The following RBFOX1 variants were observed in gnomAD, a reference collection of about 807,000 sequenced individuals.
RBFOX1 encodes the protein RNA binding fox-1 homolog 1.
Under a neutral mutation model 57.7 loss-of-function variants are expected in RBFOX1, and 8 were observed. The ratio of observed to expected loss-of-function variants is 0.14; its 90% CI spans 0.08 to 0.25. RBFOX1 has a LOEUF of 0.25. Among genes scored for constraint, RBFOX1 ranks in the 10% least tolerant of loss-of-function variants. The pLI, the probability that RBFOX1 is intolerant of heterozygous loss-of-function variation, is 1.00. For missense variants in RBFOX1, 611 were observed against 548.5 expected, an observed-to-expected ratio of 1.11 and a Z score of -1.14; for synonymous variants, 326 against 222.4, an observed-to-expected ratio of 1.47 and a Z score of -4.15.
intron 3 of RBFOX1, among the ~76,000 whole-genome samples, chr16:6,755,786 T>G (rs1362054716): frequency 6.6e-6 from 1 of 152,200 alleles, no homozygotes; most frequent in Non-Finnish European, 1.5e-5. Flanking sequence ...CTTCTCCCCT[T>G]CTTTTAACTG....
intron 13 of RBFOX1, among the ~76,000 whole-genome samples, chr16:7,670,766 C>G (rs1313417268): frequency 6.6e-6 from 1 of 152,158 alleles, no homozygotes; most frequent in Non-Finnish European, 1.5e-5. Flanking sequence ...AGTGTTCAGC[C>G]ATCTCAGTGT....
intron 4 of RBFOX1, among the ~76,000 whole-genome samples, chr16:5,890,486 C>G (rs1447862116): frequency 1.3e-5 from 2 of 151,956 alleles, no homozygotes; most frequent in African/African-American, 2.4e-5. Context: ...ATCACGAGGT[C>G]AGGAGTTTGA....
intron 4 of RBFOX1, among the ~76,000 whole-genome samples, chr16:5,950,548 CCTT>C (rs1431280203): frequency 6.6e-6 from 1 of 152,180 alleles, no homozygotes; most frequent in Non-Finnish European, 1.5e-5. Flanking sequence ...GCTCATAGAT[CCTT>C]CTTAAGTTAT....
At chr16:5,265,681 C>G (rs1476361034) in intron 1 of RBFOX1, among the ~76,000 whole-genome samples, 5 of 152,184 alleles carry the variant, frequency 3.3e-5, no homozygotes, top group African/African-American at 7.2e-5. Context: ...AAATCCATCT[C>G]TCTTTCCTAG....
intron 4 of RBFOX1, among the ~76,000 whole-genome samples, chr16:7,193,808 A>G (rs1047177036): frequency 3.3e-5 from 5 of 152,234 alleles, no homozygotes; most frequent in Non-Finnish European, 7.3e-5. Flanking sequence ...AGAAGATATT[A>G]TGGTAATGTA....
chr16:5,779,493 G>T (rs1396429834), intron 3 of RBFOX1, among the ~76,000 whole-genome samples: 1 of 152,128 alleles, frequency 6.6e-6, no homozygotes, highest in Non-Finnish European at 1.5e-5. Flanking sequence ...TTATCTCATG[G>T]TGTGGGGCCC....
intron 3 of RBFOX1, among the ~76,000 whole-genome samples, chr16:6,953,198 G>C (rs187311988): frequency 4.6e-5 from 7 of 152,048 alleles, no homozygotes; most frequent in Non-Finnish European, 8.8e-5. Flanking sequence ...TGCTAAGCTG[G>C]GTATGTGTCC....
intron 4 of RBFOX1, among the ~76,000 whole-genome samples, chr16:7,241,673 C>CA (rs2094067755): frequency 6.6e-6 from 1 of 151,936 alleles, no homozygotes; most frequent in Non-Finnish European, 1.5e-5. Flanking sequence ...GAGTGCATTA[C>CA]AAAAAATCTA....
At chr16:5,510,443 C>G (rs1459646592) in intron 2 of RBFOX1, among the ~76,000 whole-genome samples, 1 of 152,132 alleles carries the variant, frequency 6.6e-6, no homozygotes, top group African/African-American at 2.4e-5. Context: ...ACTGGTGGAG[C>G]AGAAACATGG....
intron 3 of RBFOX1, among the ~76,000 whole-genome samples, chr16:7,029,536 T>C (rs75943530): frequency 0.015 from 2,219 of 152,000 alleles, 33 homozygotes; most frequent in Non-Finnish European, 0.024. Context: ...TCTTAAGAAA[T>C]CTAATATTTT....
At chr16:5,573,639 C>T (rs1452114483) in intron 2 of RBFOX1, among the ~76,000 whole-genome samples, 1 of 152,146 alleles carries the variant, frequency 6.6e-6, no homozygotes, top group Non-Finnish European at 1.5e-5. Flanking sequence ...CCCCCCTTTC[C>T]CCGTCCAGGC....
chr16:5,241,683 G>A (rs912543619), intron 1 of RBFOX1, among the ~76,000 whole-genome samples: 3 of 152,244 alleles, frequency 2.0e-5, no homozygotes, highest in African/African-American at 4.8e-5. Flanking sequence ...AGGGAAGCTC[G>A]TCCATAGAAG....
chr16:5,582,723 A>G (rs1399440494), intron 2 of RBFOX1, among the ~76,000 whole-genome samples: 2 of 152,000 alleles, frequency 1.3e-5, no homozygotes, highest in African/African-American at 4.8e-5. Context: ...CGCTCGGCTA[A>G]TCAAAGCCCA....
rs141052700 is a variant in RBFOX1, at chr16:6,202,264, C to T, written c.-126-114731C>T. Reference sequence around the variant, plus strand: ...TCTACTGTTCTCTTATCTCAGGTATCGATGCCCTGAGATAACTTCATTCCA... The same window carrying T: ...TCTACTGTTCTCTTATCTCAGGTATTGATGCCCTGAGATAACTTCATTCCA... On this transcript the variant is annotated intron_variant, in intron 1 of 15. Coordinates refer to ENST00000550418, the MANE Select transcript of RBFOX1 (RefSeq NM_018723.4). Among the ~76,000 whole-genome samples, 492 of 152,196 alleles carry T rather than the reference C, an allele frequency of 3.2e-3. 4 individuals carry two copies. Among genetic ancestry groups the T allele is most frequent in the Admixed American group, 0.011 (168 of 15,278 alleles).
At chr16:6,052,556 G>T (rs897584085) in intron 1 of RBFOX1, among the ~76,000 whole-genome samples, 4 of 151,666 alleles carry the variant, frequency 2.6e-5, no homozygotes, top group South Asian at 2.1e-4. Context: ...AGGCCGAGGC[G>T]GGCGGATCAC....
At chr16:5,386,033 G>T (rs763707967) in intron 1 of RBFOX1, among the ~76,000 whole-genome samples, 2 of 151,978 alleles carry the variant, frequency 1.3e-5, no homozygotes, top group Admixed American at 1.3e-4. Context: ...ACTTCACGTT[G>T]CCTAGGGAAG....
intron 4 of RBFOX1, among the ~76,000 whole-genome samples, chr16:7,102,132 C>A (rs2062804295): frequency 6.6e-6 from 1 of 152,214 alleles, no homozygotes; most frequent in African/African-American, 2.4e-5. Context: ...GTGCCTACTT[C>A]TCTGTTAGAA....
rs537025384 is a variant in RBFOX1 at position 7,074,771 on chromosome 16, C to G, written c.27+22673C>G. Among the ~76,000 whole-genome samples, 5 of 152,204 alleles carry G rather than the reference C, an allele frequency of 3.3e-5. No individual in the cohort carries two copies. The East Asian group carries it at 9.7e-4, about 29-fold the overall frequency. On this transcript the variant is annotated intron_variant, in intron 4 of 15. Transcript: ENST00000550418. ...CATAAGAAAAAATTATACCTGAAAA[C>G]ATTATAAAGAAATGCTTAAAACCAA...
intron 2 of RBFOX1, among the ~76,000 whole-genome samples, chr16:6,433,288 G>C (rs1421805573): frequency 1.3e-5 from 2 of 152,210 alleles, no homozygotes; most frequent in Non-Finnish European, 2.9e-5. Context: ...GAGAAGGTTT[G>C]CTTCATTTCA....
Sources: allele counts gnomAD v4.1 joint callset (sites outside exome capture counted in the v4.1 genomes callset), GRCh38; gene constraint gnomAD v4.1.1; transcripts MANE v1.5; gene names NCBI Gene and HGNC (gene_info 2026-07-23, HGNC 2026-07-21).